The following CARMIL3 variants were observed in gnomAD, a reference collection of about 807,000 sequenced individuals.
CARMIL3 encodes capping protein regulator and myosin 1 linker 3, also known as capping protein, Arp2/3 and myosin-I linker protein 3.
Under a neutral mutation model 180.8 loss-of-function variants are expected in CARMIL3, and 88 were observed. The observed-to-expected ratio is 0.49, with a 90% confidence interval of 0.41 to 0.58. CARMIL3 has a LOEUF of 0.58. Among genes scored for constraint, CARMIL3 ranks in the 20% least tolerant of loss-of-function variants. The pLI is 0.00. For missense variants in CARMIL3, 1,548 were observed against 1,787.0 expected (o/e 0.87, Z 2.41); for synonymous variants, 696 against 714.5 (o/e 0.97, Z 0.41).
In CARMIL3 at chr14:24,061,149, A is replaced by T. The variant is rs1323026826; in HGVS notation, c.2304+109A>T. 60 of 989,688 alleles carry T rather than the reference A, an allele frequency of 6.1e-5. No homozygotes were observed. The highest frequency in any genetic ancestry group is 8.5e-5 in the Non-Finnish European group (56 of 660,388). 61.3% of individuals were successfully genotyped at this position (989,688 alleles called of 1,614,324 possible). A position where few individuals can be genotyped will look rare whatever the true frequency, so the allele number is the denominator to read the frequency against. ...GAGACTTCTGGAGGGCCAGGAGGAC[A>T]TGCAGAGTTGAGACCACCCACGCTC... On this transcript the variant is annotated intron_variant, in intron 26 of 39. Coordinates refer to ENST00000342740, the MANE Select transcript of CARMIL3 (RefSeq NM_138360.4). The surrounding 1 kb of genome is among the most constrained non-coding windows in gnomAD (Gnocchi z 4.1).
Position 24,068,711 on chromosome 14 carries a change from T to C in CARMIL3, c.3801+9T>C. 6.2e-7 allele frequency: 1 copy of C among 1,613,394 alleles called. No individual in the cohort carries two copies. The highest frequency in any genetic ancestry group is 1.1e-5 in the South Asian group (1 of 90,962). The stretch of plus-strand genomic sequence containing the variant: ...CAGCTAGGAATGCCAAGGTGAGAGC[T>C]GGCAAGATGGGTGGGGGAGGCACTT... On this transcript the variant is annotated intron_variant, in intron 37 of 39. Coordinates refer to ENST00000342740, the MANE Select transcript of CARMIL3 (RefSeq NM_138360.4).
At position 24,067,978 on chromosome 14, in the gene CARMIL3, C is replaced by A. The variant is rs113717185; in HGVS notation, c.3683-606C>A. Among the ~76,000 whole-genome samples the A allele has an allele frequency of 9.4e-3, 1,430 of 152,360 alleles. 31 individuals carry two copies. Among genetic ancestry groups the A allele is most frequent in the African/African-American group, 0.033 (1,352 of 41,584 alleles). On this transcript the variant is annotated intron_variant, in intron 36 of 39. Transcript: ENST00000342740. ...GCCTGTGGACCCAGCAGGCCCTGGGCCCTGCCCCAGCAGGAAAGGGGTTGG... is the reference window on the plus strand; with the variant it reads ...GCCTGTGGACCCAGCAGGCCCTGGGACCTGCCCCAGCAGGAAAGGGGTTGG...
rs200145311 is a variant in CARMIL3, at chr14:24,059,449, C to A, written c.1799+7C>A. On this transcript the variant is annotated splice_region_variant and intron_variant, in intron 21 of 39. Transcript: ENST00000342740. This position sits in a 1 kb window ranked among gnomAD's most constrained non-coding sequence, Gnocchi z 6.3. ...AGATAAACTCCTCCCTCAGGTGGGG[C>A]CCACACCGGGACCCCCTGACCTGGA... 17 of 1,561,986 alleles carry A rather than the reference C, an allele frequency of 1.1e-5. No individual in the cohort carries two copies. The African/African-American group carries it at 2.0e-4, about 19-fold the overall frequency.
Position 24,069,619 on chromosome 14 carries a change from C to T in CARMIL3, c.*215C>T, listed in dbSNP as rs746598694. The T allele has an allele frequency of 3.3e-6, 2 of 605,294 alleles. No homozygotes were observed. Among genetic ancestry groups the T allele is most frequent in the Non-Finnish European group, 5.8e-6 (2 of 343,524 alleles). The allele number at this position is 605,294 out of a possible 1,614,324, so 37.5% of individuals were successfully genotyped here. A position where few individuals can be genotyped will look rare whatever the true frequency, so the allele number is the denominator to read the frequency against. On this transcript the variant is annotated 3_prime_UTR_variant, in exon 40 of 40. Transcript: ENST00000342740. ...GTGCCTGCCTCGATACCTCTCTCTG[C>T]AGAGAGCTTCTGGGTGGGGGCTTAT...
chr14:24,068,633 C>T lies in CARMIL3; in HGVS notation c.3732C>T (p.Ser1244=), dbSNP rs1421300733. The change falls in exon 37 of 40, where the codon TCC becomes TCT. Residue 1244 remains serine (S), a synonymous_variant. Coordinates refer to ENST00000342740, the MANE Select transcript of CARMIL3 (RefSeq NM_138360.4). ...GCTGCCAGAGTCCCAGCCCAGCCTC[C>T]CAAGATGGGGAAGAGGAGAAGGAGG... ...NHSCQSPSPA[S]QDGEEEKEGT... The T allele has an allele frequency of 1.2e-6, 2 of 1,614,012 alleles. No homozygotes were observed. The highest frequency in any genetic ancestry group is 1.1e-5 in the South Asian group (1 of 91,040).
At chr14:24,063,046 C>A in intron 29 of CARMIL3, 74 bp from the exon 30 acceptor site, 1 of 1,583,008 alleles carries the variant, frequency 6.3e-7, no homozygotes, top group Non-Finnish European at 8.7e-7. Flanking sequence ...AGGATGGGCT[C>A]AAATAAGGTT....
chr14:24,065,082 G>T lies in CARMIL3; in HGVS notation c.3205G>T (p.Gly1069Trp). ...GCCCCGGAGCTTCAAGGGGGACAGG[G>T]GGCCGGGGTCCCCTACCACTGGACT... ...RRPRSFKGDR[G>W]PGSPTTGLLL... Residue 1069 changes from glycine (G) to tryptophan (W), a missense_variant, in exon 33 of 40, where the codon GGG (glycine) becomes TGG (tryptophan). Gly to Trp is a radical substitution (Grantham distance 184). Transcript: ENST00000342740. 1 of 1,586,252 alleles carries T rather than the reference G, an allele frequency of 6.3e-7. No homozygotes were observed. The highest frequency in any genetic ancestry group is 8.6e-7 in the Non-Finnish European group (1 of 1,169,216).
In CARMIL3 at chr14:24,053,793, A is replaced by G; in HGVS notation, c.125A>G (p.Asp42Gly). The change falls in exon 2 of 40, where the codon GAC becomes GGC. Residue 42 changes from aspartate (D) to glycine (G), a missense_variant. Physicochemically the swap from Asp to Gly is moderately conservative, Grantham distance 94. Around this residue, in one of 4 missense-constraint regions of CARMIL3, gnomAD observed 578 missense variants for 666.5 expected, o/e 0.87. Coordinates refer to ENST00000342740, the MANE Select transcript of CARMIL3 (RefSeq NM_138360.4). Reference sequence around the variant, plus strand: ...GAGACAAAGCCCAAGAAGTTTGAGGACCGAGTGCTGGTGAGGGCACTGGGC... The same window carrying G: ...GAGACAAAGCCCAAGAAGTTTGAGGGCCGAGTGCTGGTGAGGGCACTGGGC... ...KLETKPKKFEDRVLALTSWRL... is the reference protein window; with the variant it reads ...KLETKPKKFEGRVLALTSWRL... The G allele has an allele frequency of 1.9e-6, 3 of 1,612,686 alleles. No homozygotes were observed. Among genetic ancestry groups the G allele is most frequent in the Non-Finnish European group, 2.5e-6 (3 of 1,179,246 alleles).
At chr14:24,062,252 TC>T in intron 27 of CARMIL3, 1 of 589,306 alleles carries the variant, frequency 1.7e-6, no homozygotes, top group Non-Finnish European at 3.0e-6. Context: ...AATTCCTCTT[TC>T]CCCACACATA....
rs752781033 is a variant in CARMIL3 at position 24,056,726 on chromosome 14, C to T, written c.952+18C>T. The T allele has an allele frequency of 4.8e-5, 77 of 1,610,462 alleles. 1 individual carries two copies. The South Asian group carries it at 8.1e-4, about 17-fold the overall frequency. ...CCCTCGAGGTACTCGCACCAAGGACCCCTGACCTCTGACCCTACCCTGGTG... is the reference window on the plus strand; with the variant it reads ...CCCTCGAGGTACTCGCACCAAGGACTCCTGACCTCTGACCCTACCCTGGTG... On this transcript the variant is annotated intron_variant, in intron 12 of 39. Transcript: ENST00000342740.
In CARMIL3 at chr14:24,062,840, C is replaced by G; in HGVS notation, c.2700C>G (p.Thr900=). The change falls in exon 29 of 40, where the codon ACC becomes ACG. Residue 900 remains threonine, a synonymous_variant. Coordinates refer to ENST00000342740, the MANE Select transcript of CARMIL3 (RefSeq NM_138360.4). The part of the protein sequence containing the change: ...HEETTDDELG[T]NIDTMAIKKQ... Reference sequence around the variant, plus strand: ...AGACCACAGATGATGAACTTGGGACCAACATTGTGAGCCCCCCGCTCCCTG... The same window carrying G: ...AGACCACAGATGATGAACTTGGGACGAACATTGTGAGCCCCCCGCTCCCTG... The G allele has an allele frequency of 6.2e-7, 1 of 1,607,264 alleles. No homozygotes were observed. The highest frequency in any genetic ancestry group is 2.2e-5 in the East Asian group (1 of 44,854).
chr14:24,064,097 A>G, intron 31 of CARMIL3, 149 bp from the exon 32 acceptor site: 1 of 483,534 alleles, frequency 2.1e-6, no homozygotes, highest in Non-Finnish European at 3.7e-6. Flanking sequence ...CCGTCTCAAA[A>G]AAAAAAAAAA....
At chr14:24,052,534 C>T (rs937504668) in intron 1 of CARMIL3, among the ~76,000 whole-genome samples, 1 of 152,178 alleles carries the variant, frequency 6.6e-6, no homozygotes, top group African/African-American at 2.4e-5. Flanking sequence ...TCCCCGCTTC[C>T]CCGCCGGGCG....
chr14:24,057,809 G>C lies in CARMIL3; in HGVS notation c.1147G>C (p.Gly383Arg), dbSNP rs766242270. The C allele has an allele frequency of 1.1e-5, 17 of 1,608,122 alleles. No homozygotes were observed. Among genetic ancestry groups the C allele is most frequent in the African/African-American group, 1.3e-5 (1 of 74,302 alleles). The change falls in exon 15 of 40, where the codon GGT (glycine) becomes CGT (arginine). Residue 383 changes from glycine to arginine, a missense_variant. By Grantham distance (125) the Gly-to-Arg change is moderately radical (BLOSUM62 -2). Around this residue, in one of 4 missense-constraint regions of CARMIL3, gnomAD observed 578 missense variants for 666.5 expected, o/e 0.87. Coordinates refer to ENST00000342740, the MANE Select transcript of CARMIL3 (RefSeq NM_138360.4). ...ACCATATCTCCCCCCACAGCTTCTC[G>C]GTGCCCTGCTCCACGGCTGCTGCTC... ...GTDCVIDLLLGALLHGCCSHL... is the reference protein window; with the variant it reads ...GTDCVIDLLLRALLHGCCSHL...
In CARMIL3 at chr14:24,058,211, T is replaced by G; in HGVS notation, c.1379T>G (p.Leu460Arg). 6.2e-7 allele frequency: 1 copy of G among 1,613,632 alleles called. No individual in the cohort carries two copies. The highest frequency in any genetic ancestry group is 8.5e-7 in the Non-Finnish European group (1 of 1,179,936). ...CACCTCAGTGACCTGCACCTGGATC[T>G]CAGCAGCTGCGAGGTGAGCCCTCAG... ...NSHLSDLHLD[L>R]SSCELRSAGA... Residue 460 changes from leucine to arginine, a missense_variant, in exon 17 of 40, where the codon CTC becomes CGC. Physicochemically the swap from Leu to Arg is moderately radical, Grantham distance 102. Transcript: ENST00000342740. The surrounding 1 kb of genome is among the most constrained non-coding windows in gnomAD (Gnocchi z 6.4).
chr14:24,055,273 G>T lies in CARMIL3; in HGVS notation c.568G>T (p.Glu190Ter). ...CATCTACCATGCTGAAGATAACCGGGAGTTCAATCTTTTGGATTTCAGCCA... is the reference window on the plus strand; with the variant it reads ...CATCTACCATGCTGAAGATAACCGGTAGTTCAATCTTTTGGATTTCAGCCA... ...DTIYHAEDNR[E>*]FNLLDFSHLE... The change falls in exon 8 of 40, where the codon GAG becomes TAG. Residue 190 changes from glutamate (E) to a stop codon, truncating the protein, a stop_gained. Transcript: ENST00000342740. LOFTEE classifies it high-confidence loss of function. The T allele has an allele frequency of 6.2e-7, 1 of 1,614,098 alleles. No individual in the cohort carries two copies. The highest frequency in any genetic ancestry group is 2.2e-5 in the East Asian group (1 of 44,878).
At position 24,060,774 on chromosome 14, in the gene CARMIL3, T is replaced by C. The variant is rs757676595; in HGVS notation, c.2190+18T>C. On this transcript the variant is annotated intron_variant, in intron 25 of 39. Coordinates refer to ENST00000342740, the MANE Select transcript of CARMIL3 (RefSeq NM_138360.4). ...CCCGGGCGGTGAGCCCTCCACAGGC[T>C]ACCCTTCCCCTGAAGTCTGGAGAAC... is the stretch of plus-strand genomic sequence containing the variant. The C allele has an allele frequency of 1.9e-6, 3 of 1,610,866 alleles. No homozygotes were observed. The highest frequency in any genetic ancestry group is 2.2e-5 in the East Asian group (1 of 44,808).
chr14:24,063,213 C>T (rs1282979028), intron 30 of CARMIL3, 30 bp downstream of exon 30: 1 of 1,608,016 alleles, frequency 6.2e-7, no homozygotes, highest in East Asian at 2.2e-5. Context: ...TTCTCATGGA[C>T]TCCAGACTCC....
Position 24,059,960 on chromosome 14 carries a change from T to C in CARMIL3, c.1869-10T>C. On this transcript the variant is annotated splice_polypyrimidine_tract_variant and intron_variant, in intron 22 of 39. Coordinates refer to ENST00000342740, the MANE Select transcript of CARMIL3 (RefSeq NM_138360.4). This position sits in a 1 kb window ranked among gnomAD's most constrained non-coding sequence, Gnocchi z 6.3. ...CTGTTCCCACCCAGCTGTGCCCCTG[T>C]GTCCCACAGCAACCACACGCTGCGC... The C allele has an allele frequency of 1.2e-6, 2 of 1,613,716 alleles. No homozygotes were observed. The highest frequency in any genetic ancestry group is 1.3e-5 in the African/African-American group (1 of 75,068).
Sources: allele counts gnomAD v4.1 joint callset (sites outside exome capture counted in the v4.1 genomes callset), GRCh38; gene constraint gnomAD v4.1.1; regional missense constraint gnomAD v4.1.1; non-coding constraint Gnocchi (gnomAD v3.1); transcripts MANE v1.5; gene names NCBI Gene and HGNC (gene_info 2026-07-23, HGNC 2026-07-21).